UBN2: variants seen among roughly 807,000 people sequenced by gnomAD.
UBN2 encodes the protein ubinuclein 2, also known as ubinuclein-2.
In UBN2, 35 loss-of-function variants were observed where a neutral mutation model predicts 120.2. The ratio of observed to expected loss-of-function variants is 0.29; its 90% CI spans 0.22 to 0.39. The LOEUF is 0.39. UBN2 is among the 10% of genes least tolerant of loss of function. The pLI, the probability that UBN2 is intolerant of heterozygous loss-of-function variation, is 1.00. For synonymous variants in UBN2, 661 were observed against 648.7 expected (o/e 1.02, Z -0.29); for missense variants, 1,693 against 1,663.2 (o/e 1.02, Z -0.31).
chr7:139,251,297 A>T (rs1796619505), intron 2 of UBN2, among the ~76,000 whole-genome samples: 1 of 152,222 alleles, frequency 6.6e-6, no homozygotes, highest in Non-Finnish European at 1.5e-5. Flanking sequence ...GACATCTTGC[A>T]ATGTTGTTGA....
intron 2 of UBN2, among the ~76,000 whole-genome samples, chr7:139,238,466 C>A (rs975599210): frequency 6.6e-6 from 1 of 152,270 alleles, no homozygotes; most frequent in Admixed American, 6.5e-5. Flanking sequence ...CTCTGTCACT[C>A]AGGCTGGAGT....
downstream of UBN2, among the ~76,000 whole-genome samples, chr7:139,310,955 C>G (rs1330976266): frequency 1.3e-5 from 2 of 152,076 alleles, no homozygotes; most frequent in East Asian, 3.9e-4. Flanking sequence ...AGAGGTAAAC[C>G]ACAATATCGT....
chr7:139,300,576 C>T lies in UBN2; in HGVS notation c.*2740C>T, dbSNP rs1051421326. The T allele has an allele frequency of 1.3e-5, 2 of 152,110 alleles. No homozygotes were observed. The highest frequency in any genetic ancestry group is 2.9e-5 in the Non-Finnish European group (2 of 68,020). The allele number at this position is 152,110 out of a possible 1,614,324, so 9.4% of individuals were successfully genotyped here. A position where few individuals can be genotyped will look rare whatever the true frequency, so the allele number is the denominator to read the frequency against. On this transcript the variant is annotated 3_prime_UTR_variant, in exon 18 of 18. Transcript: ENST00000473989. Reference sequence around the variant, plus strand: ...TATGTTATTTTTTAAAATGGTGAGTCATTGGAAAGGATATCTATAGAGCAA... The same window carrying T: ...TATGTTATTTTTTAAAATGGTGAGTTATTGGAAAGGATATCTATAGAGCAA...
chr7:139,283,877 A>G lies in UBN2; in HGVS notation c.2972A>G (p.Asn991Ser), dbSNP rs1348185835. 2 of 1,614,078 alleles carry G rather than the reference A, an allele frequency of 1.2e-6. No individual in the cohort carries two copies. Among genetic ancestry groups the G allele is most frequent in the East Asian group, 4.5e-5 (2 of 44,878 alleles). Reference protein sequence around the residue: ...RLPLSTPSPGNGSQGSHPLVS... With the variant: ...RLPLSTPSPGSGSQGSHPLVS... ...CCCTTATCTACCCCCTCACCTGGAA[A>G]TGGTTCTCAAGGGTCCCACCCCCTG... Residue 991 changes from asparagine to serine, a missense_variant, in exon 15 of 18, where the codon AAT becomes AGT. Around this residue, in one of 5 missense-constraint regions of UBN2, gnomAD observed 837 missense variants for 817.6 expected, o/e 1.02. Transcript: ENST00000473989.
chr7:139,246,900 G>T (rs955853394), intron 2 of UBN2, among the ~76,000 whole-genome samples: 1 of 152,036 alleles, frequency 6.6e-6, no homozygotes, highest in Non-Finnish European at 1.5e-5. Context: ...TCTTATTGCC[G>T]AGCAGTAATC....
At chr7:139,330,420 T>G in the UBN2 span, among the ~76,000 whole-genome samples, 1 of 152,264 alleles carries the variant, frequency 6.6e-6, no homozygotes, top group East Asian at 1.9e-4. Flanking sequence ...AACTCCTTTT[T>G]GCCTCTTACT....
In UBN2 at chr7:139,261,535, G is replaced by C. The variant is rs933109570; in HGVS notation, c.1189G>C (p.Glu397Gln). ...TGAACATGAGCTGTTTCAGGAAGCT[G>C]AAAATGCCCTAGAGATGCTAGATGA... The part of the protein sequence containing the change: ...TNEHELFQEA[E>Q]NALEMLDDFD... Residue 397 changes from glutamate to glutamine, a missense_variant, in exon 6 of 18, where the codon GAA becomes CAA. Physicochemically the swap from Glu to Gln is conservative, Grantham distance 29. This residue lies in a region of UBN2 where 663 missense variants were observed against 591.2 expected (regional missense o/e 1.12). Transcript: ENST00000473989. 1 of 1,614,194 alleles carries C rather than the reference G, an allele frequency of 6.2e-7. No homozygotes were observed. The highest frequency in any genetic ancestry group is 1.3e-5 in the African/African-American group (1 of 75,054).
At chr7:139,233,133 C>T (rs1042723386) in intron 1 of UBN2, among the ~76,000 whole-genome samples, 3 of 152,036 alleles carry the variant, frequency 2.0e-5, no homozygotes, top group Non-Finnish European at 2.9e-5. Context: ...GTTTTGTTTA[C>T]TTCATGGCCA....
chr7:139,325,737 T>TG, the UBN2 span, among the ~76,000 whole-genome samples: 1 of 152,190 alleles, frequency 6.6e-6, no homozygotes. Context: ...TTGCTGTAGT[T>TG]GAAGAGTAAA....
intron 8 of UBN2, among the ~76,000 whole-genome samples, 179 bp downstream of exon 8, chr7:139,269,702 TGTTAA>T (rs1434901967): frequency 6.6e-6 from 1 of 152,188 alleles, no homozygotes; most frequent in African/African-American, 2.4e-5. Flanking sequence ...CTTCAACAAT[TGTTAA>T]GTTTAGATGA....
chr7:139,273,895 A>T (rs763605190), intron 10 of UBN2, 36 bp from the exon 11 acceptor site: 1 of 1,536,906 alleles, frequency 6.5e-7, no homozygotes, highest in Non-Finnish European at 8.7e-7. Flanking sequence ...ATGTTCTTCT[A>T]AAAAAAGTTT....
At chr7:139,253,339 G>T (rs1485826504) in intron 3 of UBN2, among the ~76,000 whole-genome samples, 2 of 152,152 alleles carry the variant, frequency 1.3e-5, no homozygotes, top group African/African-American at 2.4e-5. Context: ...ATATGGGTAG[G>T]TTAAATTTCT....
chr7:139,240,013 T>C (rs924515741), intron 2 of UBN2, among the ~76,000 whole-genome samples: 28 of 152,356 alleles, frequency 1.8e-4, no homozygotes, highest in African/African-American at 6.7e-4. Context: ...AACCCTAGGA[T>C]AGTATCTGGC....
chr7:139,293,674 C>T lies in UBN2; in HGVS notation c.3901+211C>T, dbSNP rs539216162. 3.8e-5 allele frequency: 24 copies of T among 634,896 alleles called. No individual in the cohort carries two copies. In the South Asian group the frequency reaches 4.4e-4, roughly 12 times the overall value. 39.3% of individuals were successfully genotyped at this position (634,896 alleles called of 1,614,324 possible). On this transcript the variant is annotated intron_variant, in intron 16 of 17. Coordinates refer to ENST00000473989, the MANE Select transcript of UBN2 (RefSeq NM_173569.4). ...TTTTTAAGCTATCTATACCACATTT[C>T]CATCTTAATGAAATTTTTAAGAGGA...
chr7:139,232,425 CTG>C (rs1406991905), intron 1 of UBN2, among the ~76,000 whole-genome samples: 1 of 152,196 alleles, frequency 6.6e-6, no homozygotes, highest in Admixed American at 6.5e-5. Context: ...ATCCTCATCA[CTG>C]TTTGTTTTGC....
chr7:139,316,246 A>G, the UBN2 span, among the ~76,000 whole-genome samples: 1 of 151,980 alleles, frequency 6.6e-6, no homozygotes, highest in African/African-American at 2.4e-5. Context: ...ATAGTATTGA[A>G]CATCTTTTCA....
chr7:139,293,466 A>G lies in UBN2; in HGVS notation c.3901+3A>G. 1 of 1,613,504 alleles carries G rather than the reference A, an allele frequency of 6.2e-7. No homozygotes were observed. The highest frequency in any genetic ancestry group is 1.7e-5 in the Admixed American group (1 of 60,014). On this transcript the variant is annotated splice_donor_region_variant and intron_variant, in intron 16 of 17. Coordinates refer to ENST00000473989, the MANE Select transcript of UBN2 (RefSeq NM_173569.4). The stretch of plus-strand genomic sequence containing the variant: ...TTTCCACCATAGCCTAACTCAGAGT[A>G]AGTGGGGCTCTTCTATTTGGTTGGG...
chr7:139,241,253 T>C (rs540598992), intron 2 of UBN2, among the ~76,000 whole-genome samples: 2 of 152,328 alleles, frequency 1.3e-5, no homozygotes, highest in East Asian at 1.9e-4. Context: ...CCCCAGCCGT[T>C]CTGAAAGATC....
At chr7:139,289,471 G>T (rs1388733915) in intron 15 of UBN2, among the ~76,000 whole-genome samples, 1 of 145,628 alleles carries the variant, frequency 6.9e-6, no homozygotes, top group Non-Finnish European at 1.5e-5. Context: ...GGAGTGCAGT[G>T]GTGCAATCTT....
Sources: gnomAD v4.1 joint callset for allele counts (sites outside exome capture counted in the v4.1 genomes callset) on GRCh38, gnomAD v4.1.1 for gene constraint, gnomAD v4.1.1 regional missense constraint, MANE v1.5 for transcripts, NCBI Gene and HGNC (gene_info 2026-07-23, HGNC 2026-07-21) for gene names.